CERS4: variants seen among roughly 807,000 people sequenced by gnomAD.
CERS4 encodes the protein ceramide synthase 4.
CERS4 carries 65 observed loss-of-function variants against 51.8 expected under a neutral mutation model. The observed-to-expected ratio is 1.26, with a 90% CI of 1.03 to 1.54. The LOEUF (loss-of-function observed/expected upper bound fraction) is 1.54. Among genes scored for constraint, CERS4 ranks in the 40% most tolerant of loss-of-function variants. The pLI, the probability that CERS4 is intolerant of heterozygous loss-of-function variation, is 0.00. For synonymous variants in CERS4, 228 were observed against 208.4 expected, an observed-to-expected ratio of 1.09 and a Z score of -0.81; for missense variants, 563 against 500.4, an observed-to-expected ratio of 1.13 and a Z score of -1.19.
At chr19:8,246,532 G>T (rs1968795752) in intron 2 of CERS4, among the ~76,000 whole-genome samples, 1 of 151,620 alleles carries the variant, frequency 6.6e-6, no homozygotes, top group East Asian at 2.0e-4. Context: ...CAGCCTGGGT[G>T]ACAGAGTGAG....
intron 2 of CERS4, among the ~76,000 whole-genome samples, chr19:8,248,609 ATGGATGATGGGCAGG>A: frequency 6.6e-6 from 1 of 151,002 alleles, no homozygotes; most frequent in African/African-American, 2.4e-5. Context: ...GGGTAGGTGG[ATGGATGATGGGCAGG>A]TGGACAGATG....
In CERS4 at chr19:8,245,122, A is replaced by AAAAACAAAAAAAACAAAACAAAAC. The variant is rs1555777239; in HGVS notation, c.-1-5950_-1-5949insCAAAAAAAACAAAACAAAACAAAA. 5.4e-4 allele frequency among the ~76,000 whole-genome samples: 70 copies of AAAAACAAAAAAAACAAAACAAAAC among 129,284 alleles called. 1 individual carries two copies. The Middle Eastern group carries it at 0.012, about 21-fold the overall frequency. 84.8% of individuals were successfully genotyped at this position (129,284 alleles called of 152,430 possible). A position where few individuals can be genotyped will look rare whatever the true frequency, so the allele number is the denominator to read the frequency against. On this transcript the variant is annotated intron_variant, in intron 2 of 11. Coordinates refer to ENST00000251363, the MANE Select transcript of CERS4 (RefSeq NM_024552.3). ...GCGAGACTCCATCTCAAAAAAAAAA[A>AAAAACAAAAAAAACAAAACAAAAC]AAAAAAAAAAAAACACTCTTGGCTT...
At chr19:8,253,644 T>G (rs1036640366) in intron 3 of CERS4, among the ~76,000 whole-genome samples, 5 of 151,846 alleles carry the variant, frequency 3.3e-5, no homozygotes, top group African/African-American at 1.2e-4. Context: ...TTTTGTATTT[T>G]CAGTAGATGC....
chr19:8,253,170 C>T (rs540455709), intron 3 of CERS4, among the ~76,000 whole-genome samples: 1 of 152,370 alleles, frequency 6.6e-6, no homozygotes, highest in South Asian at 2.1e-4. Flanking sequence ...GGTGTTGGCG[C>T]GCCCTCTTGT....
intron 2 of CERS4, among the ~76,000 whole-genome samples, chr19:8,249,613 A>C (rs1173167567): frequency 3.3e-5 from 1 of 30,544 alleles, no homozygotes; most frequent in Non-Finnish European, 5.7e-5. Flanking sequence ...TTTTTTTGAG[A>C]CAGAGTCTTG....
intron 10 of CERS4, among the ~76,000 whole-genome samples, chr19:8,259,017 C>T (rs981871931): frequency 5.3e-5 from 8 of 151,958 alleles, no homozygotes; most frequent in African/African-American, 1.9e-4. Context: ...GCCCGTAATC[C>T]CAGCTACTCG....
At chr19:8,232,965 T>G (rs1234095987) in intron 2 of CERS4, among the ~76,000 whole-genome samples, 1 of 145,192 alleles carries the variant, frequency 6.9e-6, no homozygotes, top group African/African-American at 2.5e-5. Context: ...CTTAAACTCC[T>G]AGGCTTGAGT....
intron 7 of CERS4, 109 bp downstream of exon 7, chr19:8,256,395 T>C: frequency 1.6e-6 from 2 of 1,273,670 alleles, no homozygotes; most frequent in Non-Finnish European, 2.2e-6. Flanking sequence ...CATTCCCCAC[T>C]GAGTCCCACG....
chr19:8,209,758 G>T (rs1193243851), intron 1 of CERS4: 5 of 152,320 alleles, frequency 3.3e-5, no homozygotes, highest in Non-Finnish European at 7.3e-5. Flanking sequence ...GAGTAGGGGC[G>T]ATCCTGGCCT....
intron 2 of CERS4, among the ~76,000 whole-genome samples, chr19:8,248,775 G>A (rs1177956535): frequency 6.6e-6 from 1 of 151,912 alleles, no homozygotes; most frequent in Middle Eastern, 3.2e-3. Context: ...ATGGATGATG[G>A]GTGGATGGAT....
At chr19:8,249,438 A>G (rs1305326608) in intron 2 of CERS4, among the ~76,000 whole-genome samples, 1 of 151,860 alleles carries the variant, frequency 6.6e-6, no homozygotes, top group Non-Finnish European at 1.5e-5. Flanking sequence ...CCCCACCTCG[A>G]CCGCCACTCC....
chr19:8,256,144 G>A (rs1440339901), intron 6 of CERS4, 92 bp from the exon 7 acceptor site: 49 of 1,340,628 alleles, frequency 3.7e-5, no homozygotes, highest in Non-Finnish European at 3.9e-5. Context: ...TAGCATCTAT[G>A]TGACTGTGGA....
chr19:8,234,975 T>C (rs1968175652), intron 2 of CERS4, among the ~76,000 whole-genome samples: 1 of 151,672 alleles, frequency 6.6e-6, no homozygotes, highest in Non-Finnish European at 1.5e-5. Context: ...TCAAGATTTA[T>C]CCATATTGTA....
At chr19:8,219,781 T>C (rs917030830) in intron 2 of CERS4, among the ~76,000 whole-genome samples, 1 of 151,968 alleles carries the variant, frequency 6.6e-6, no homozygotes, top group Non-Finnish European at 1.5e-5. Flanking sequence ...ACTGTGCTTC[T>C]GCACTCCAGC....
At chr19:8,223,243 C>G (rs1487740506) in intron 2 of CERS4, among the ~76,000 whole-genome samples, 1 of 151,110 alleles carries the variant, frequency 6.6e-6, no homozygotes, top group Non-Finnish European at 1.5e-5. Context: ...GTTGAGGCAT[C>G]AGGATCACTT....
intron 2 of CERS4, among the ~76,000 whole-genome samples, chr19:8,245,091 G>A (rs1232651473): frequency 4.6e-4 from 4 of 8,754 alleles, no homozygotes; most frequent in South Asian, 5.2e-3. Flanking sequence ...CAGGCTGGGC[G>A]ACCGAGCGAG....
chr19:8,256,722 T>TA lies in CERS4; in HGVS notation c.612+14dup. 5 of 1,610,534 alleles carry TA rather than the reference T, an allele frequency of 3.1e-6. No individual in the cohort carries two copies. In the South Asian group the frequency reaches 5.5e-5, roughly 18 times the overall value. Reference sequence around the variant, plus strand: ...ATGTCAAGCGCAAGGTGAGGCCAAATAAGAGTCTGGAAGACCCAGTCTCTG... The same window carrying TA: ...ATGTCAAGCGCAAGGTGAGGCCAAATAAAGAGTCTGGAAGACCCAGTCTCTG... On this transcript the variant is annotated intron_variant, in intron 8 of 11. Transcript: ENST00000251363.
At chr19:8,260,842 T>G (rs1969646243) in intron 10 of CERS4, among the ~76,000 whole-genome samples, 1 of 149,654 alleles carries the variant, frequency 6.7e-6, no homozygotes, top group Non-Finnish European at 1.5e-5. Flanking sequence ...TCCCAGCTAC[T>G]TGGGAGGCTG....
chr19:8,225,126 G>C (rs972206471), intron 2 of CERS4: 1 of 152,398 alleles, frequency 6.6e-6, no homozygotes, highest in African/African-American at 2.4e-5. Flanking sequence ...ATGGTGTGAG[G>C]GGATCCAGGA....
Sources: allele counts gnomAD v4.1 joint callset (sites outside exome capture counted in the v4.1 genomes callset), GRCh38; gene constraint gnomAD v4.1.1; transcripts MANE v1.5; gene names NCBI Gene and HGNC (gene_info 2026-07-23, HGNC 2026-07-21).